PCSK6: variants seen among roughly 807,000 people sequenced by gnomAD.
PCSK6 encodes the protein paired basic amino acid cleaving enzyme 4.
Under a neutral mutation model 123.3 loss-of-function variants are expected in PCSK6, and 85 were observed. The ratio of observed to expected loss-of-function variants is 0.69; its 90% CI spans 0.58 to 0.83. The LOEUF is 0.83. Ranked by LOEUF, PCSK6 falls within the 40% of genes least tolerant of loss-of-function variation. The probability of loss-of-function intolerance (pLI) is 0.00; values close to 1 mark genes in which losing one functional copy is unlikely to be tolerated. For synonymous variants in PCSK6, 508 were observed against 516.0 expected (o/e 0.98, Z 0.21); for missense variants, 1,191 against 1,282.3 (o/e 0.93, Z 1.09).
chr15:101,427,246 C>G (rs1051074817), intron 6 of PCSK6, among the ~76,000 whole-genome samples: 26 of 152,298 alleles, frequency 1.7e-4, no homozygotes, highest in African/African-American at 6.3e-4. Flanking sequence ...CCAAGAAGAG[C>G]TGATTCCCTG....
intron 13 of PCSK6, among the ~76,000 whole-genome samples, chr15:101,340,178 T>A (rs1359290806): frequency 6.6e-6 from 1 of 152,134 alleles, no homozygotes; most frequent in Admixed American, 6.5e-5. Flanking sequence ...TGGACATGTG[T>A]GCACAAGGCA....
chr15:101,446,819 C>G (rs548582578), intron 1 of PCSK6, among the ~76,000 whole-genome samples: 57 of 152,358 alleles, frequency 3.7e-4, no homozygotes, highest in Admixed American at 2.0e-3. Context: ...AAGCCTAGAC[C>G]TTCAGCATCT....
intron 1 of PCSK6, among the ~76,000 whole-genome samples, chr15:101,484,500 T>C (rs745973593): frequency 6.6e-6 from 1 of 152,258 alleles, no homozygotes; most frequent in East Asian, 1.9e-4. Flanking sequence ...GCCATTCTCC[T>C]GCCTCAGCCT....
intron 6 of PCSK6, among the ~76,000 whole-genome samples, chr15:101,417,380 T>C (rs570392529): frequency 1.3e-5 from 2 of 152,294 alleles, no homozygotes; most frequent in South Asian, 4.1e-4. Flanking sequence ...ACTGAACGTG[T>C]ATTAGGACAC....
At chr15:101,309,387 G>A (rs28464056) in intron 20 of PCSK6, among the ~76,000 whole-genome samples, 1,887 of 152,330 alleles carry the variant, frequency 0.012, 45 homozygotes, top group African/African-American at 0.043. Flanking sequence ...GCGGGTCCTC[G>A]TGGGCAGCAC....
intron 13 of PCSK6, among the ~76,000 whole-genome samples, chr15:101,362,708 G>A (rs866516088): frequency 7.2e-5 from 11 of 152,116 alleles, no homozygotes; most frequent in Admixed American, 4.6e-4. Flanking sequence ...AGTAACTTGC[G>A]TACTATCCCC....
intron 7 of PCSK6, among the ~76,000 whole-genome samples, chr15:101,395,509 C>T (rs1350779247): frequency 2.0e-5 from 3 of 152,210 alleles, no homozygotes; most frequent in South Asian, 2.1e-4. Flanking sequence ...CTCCTTAAAA[C>T]GGTTTCTGGG....
Position 101,475,338 on chromosome 15 carries a change from G to A in PCSK6, c.297+14036C>T, listed in dbSNP as rs573138092. ...TGAACAGTGTTCAATGAAAAGCAAC[G>A]TACTTAAAAACAAGGGATGAATATC... is the stretch of plus-strand genomic sequence containing the variant. On this transcript the variant is annotated intron_variant, in intron 1 of 21. Coordinates refer to ENST00000611716, the MANE Select transcript of PCSK6 (RefSeq NM_002570.5). 3.9e-4 allele frequency among the ~76,000 whole-genome samples: 59 copies of A among 152,216 alleles called. 1 individual carries two copies. Among genetic ancestry groups the A allele is most frequent in the South Asian group, 2.5e-3 (12 of 4,824 alleles).
At chr15:101,412,639 G>C (rs901971289) in intron 6 of PCSK6, among the ~76,000 whole-genome samples, 1 of 148,186 alleles carries the variant, frequency 6.7e-6, no homozygotes, top group Non-Finnish European at 1.5e-5. Context: ...AAAGCTCAGT[G>C]ATGGGCTCAG....
chr15:101,372,961 C>T (rs141251453), intron 11 of PCSK6, among the ~76,000 whole-genome samples: 1 of 152,190 alleles, frequency 6.6e-6, no homozygotes, highest in Non-Finnish European at 1.5e-5. Context: ...AAGCTTTAAT[C>T]CCATTGATAA....
chr15:101,482,556 G>A (rs766206192), intron 1 of PCSK6, among the ~76,000 whole-genome samples: 31 of 152,158 alleles, frequency 2.0e-4, no homozygotes, highest in Admixed American at 2.0e-4. Flanking sequence ...AGCTCAGGAC[G>A]TTCCCAGCCG....
intron 6 of PCSK6, among the ~76,000 whole-genome samples, chr15:101,411,442 A>C (rs994005902): frequency 2.0e-5 from 3 of 152,092 alleles, no homozygotes; most frequent in Admixed American, 6.5e-5. Context: ...ATCAAGCAAC[A>C]GCTCCCTCCA....
chr15:101,403,164 C>CA (rs2042646107), intron 6 of PCSK6, among the ~76,000 whole-genome samples: 4 of 149,974 alleles, frequency 2.7e-5, no homozygotes, highest in Non-Finnish European at 5.9e-5. Flanking sequence ...AGTAAACTAT[C>CA]GCAAGGACAA....
chr15:101,315,848 A>C (rs1393188101), intron 19 of PCSK6, among the ~76,000 whole-genome samples: 1 of 152,156 alleles, frequency 6.6e-6, no homozygotes, highest in Non-Finnish European at 1.5e-5. Context: ...AAGGATTACA[A>C]CCTCCATGCC....
At chr15:101,381,256 C>T (rs1051708248) in intron 11 of PCSK6, among the ~76,000 whole-genome samples, 6 of 152,002 alleles carry the variant, frequency 3.9e-5, no homozygotes, top group African/African-American at 9.7e-5. Flanking sequence ...CCCAGCTACT[C>T]GGGAGGCTGA....
At chr15:101,440,058 A>T (rs777714463) in intron 2 of PCSK6, among the ~76,000 whole-genome samples, 9 of 152,216 alleles carry the variant, frequency 5.9e-5, no homozygotes, top group Admixed American at 3.9e-4. Flanking sequence ...AAGTAATTTT[A>T]AAAAAATTTG....
At chr15:101,487,870 G>A (rs1015140781) in intron 1 of PCSK6, among the ~76,000 whole-genome samples, 1 of 152,102 alleles carries the variant, frequency 6.6e-6, no homozygotes, top group Non-Finnish European at 1.5e-5. Context: ...AGGGCCTTGA[G>A]TGGTTAAAAA....
chr15:101,399,871 C>T (rs550039359), intron 6 of PCSK6, among the ~76,000 whole-genome samples: 4 of 152,246 alleles, frequency 2.6e-5, no homozygotes, highest in African/African-American at 7.2e-5. Context: ...TCTGTGTGTG[C>T]GATGACCATG....
intron 1 of PCSK6, among the ~76,000 whole-genome samples, chr15:101,461,708 G>T (rs1265692110): frequency 1.3e-5 from 2 of 152,128 alleles, no homozygotes; most frequent in Non-Finnish European, 2.9e-5. Context: ...GTCAATAACT[G>T]TAATTTTTAC....
Sources: gnomAD v4.1 joint callset for allele counts (sites outside exome capture counted in the v4.1 genomes callset) on GRCh38, gnomAD v4.1.1 for gene constraint, MANE v1.5 for transcripts, NCBI Gene and HGNC (gene_info 2026-07-23, HGNC 2026-07-21) for gene names.